CNTNAP2: variants seen among roughly 807,000 people sequenced by gnomAD.
CNTNAP2 encodes contactin associated protein 2, also known as contactin-associated protein-like 2.
A neutral mutation model predicts 155.2 loss-of-function variants in CNTNAP2; 98 were observed. The ratio of observed to expected loss-of-function variants is 0.63; its 90% CI spans 0.54 to 0.75. CNTNAP2 has a LOEUF of 0.75. CNTNAP2 is among the 30% of genes least tolerant of loss of function. The pLI is 0.00. For synonymous variants in CNTNAP2, 651 were observed against 631.2 expected (o/e 1.03, Z -0.47); for missense variants, 1,727 against 1,688.1 (o/e 1.02, Z -0.40).
chr7:147,679,060 G>C (rs1330893562), intron 13 of CNTNAP2, among the ~76,000 whole-genome samples: 1 of 151,776 alleles, frequency 6.6e-6, no homozygotes. Flanking sequence ...GAAATCTGTG[G>C]TATGTTTATT....
intron 8 of CNTNAP2, among the ~76,000 whole-genome samples, chr7:147,277,618 A>T (rs187139476): frequency 6.6e-6 from 1 of 151,936 alleles, no homozygotes; most frequent in African/African-American, 2.4e-5. Flanking sequence ...ATTTGCACAT[A>T]TACATTATAA....
chr7:147,202,178 T>C (rs1802935308), intron 8 of CNTNAP2, among the ~76,000 whole-genome samples: 1 of 151,324 alleles, frequency 6.6e-6, no homozygotes, highest in East Asian at 1.9e-4. Flanking sequence ...AAATTAATTC[T>C]CATAAAAGAC....
At chr7:147,337,108 C>A (rs113052767) in intron 9 of CNTNAP2, among the ~76,000 whole-genome samples, 22 of 152,096 alleles carry the variant, frequency 1.4e-4, no homozygotes, top group African/African-American at 4.8e-4. Context: ...CCACATCAGT[C>A]CACTTGCATA....
intron 3 of CNTNAP2, among the ~76,000 whole-genome samples, chr7:147,002,692 T>C (rs1430605483): frequency 1.3e-5 from 2 of 151,988 alleles, no homozygotes; most frequent in Non-Finnish European, 2.9e-5. Flanking sequence ...AGCAGATTCA[T>C]TGTTTGGTGA....
At chr7:146,873,731 T>C (rs796107767) in intron 3 of CNTNAP2, among the ~76,000 whole-genome samples, 2 of 152,172 alleles carry the variant, frequency 1.3e-5, no homozygotes, top group African/African-American at 4.8e-5. Flanking sequence ...TACATGAGGA[T>C]AAAGGGAGAG....
intron 15 of CNTNAP2, among the ~76,000 whole-genome samples, chr7:148,019,255 G>A (rs1802235046): frequency 6.6e-6 from 1 of 152,122 alleles, no homozygotes; most frequent in Admixed American, 6.5e-5. Flanking sequence ...GTTCCTCAGA[G>A]GGGACCTCCT....
At chr7:147,668,935 G>C (rs1029801206) in intron 13 of CNTNAP2, among the ~76,000 whole-genome samples, 1 of 151,884 alleles carries the variant, frequency 6.6e-6, no homozygotes, top group African/African-American at 2.4e-5. Flanking sequence ...CTCCATTTTT[G>C]TTAAGTGCCC....
intron 13 of CNTNAP2, among the ~76,000 whole-genome samples, chr7:147,889,135 A>T (rs577504324): frequency 6.6e-6 from 1 of 152,282 alleles, no homozygotes; most frequent in East Asian, 1.9e-4. Context: ...CTACTAAAAG[A>T]ATGATATTTA....
At chr7:146,399,181 G>T (rs1403008) in intron 1 of CNTNAP2, among the ~76,000 whole-genome samples, 18,781 of 151,916 alleles carry the variant, frequency 0.12, 1,614 homozygotes, top group African/African-American at 0.24. Context: ...CATAATTTTT[G>T]GGGGGTAATG....
intron 20 of CNTNAP2, among the ~76,000 whole-genome samples, chr7:148,236,536 G>C (rs1469392458): frequency 3.3e-5 from 5 of 152,134 alleles, no homozygotes; most frequent in African/African-American, 1.2e-4. Flanking sequence ...CGACCATTCT[G>C]TCTCTTTTGA....
intron 8 of CNTNAP2, among the ~76,000 whole-genome samples, chr7:147,242,096 T>A (rs1003243128): frequency 4.6e-5 from 7 of 152,238 alleles, no homozygotes; most frequent in African/African-American, 1.7e-4. Context: ...GTAAATGTTT[T>A]TCTTTGACTT....
At chr7:147,353,454 T>A (rs1796004218) in intron 9 of CNTNAP2, among the ~76,000 whole-genome samples, 1 of 152,124 alleles carries the variant, frequency 6.6e-6, no homozygotes, top group Admixed American at 6.5e-5. Flanking sequence ...GCTTCATCCA[T>A]GTCCCTGCAA....
At chr7:147,070,043 C>T (rs751559672) in intron 4 of CNTNAP2, among the ~76,000 whole-genome samples, 10 of 152,198 alleles carry the variant, frequency 6.6e-5, no homozygotes, top group Non-Finnish European at 1.2e-4. Flanking sequence ...TGTGATATGT[C>T]TGCAGTTTCA....
chr7:147,201,813 T>C (rs1264815021), intron 8 of CNTNAP2, among the ~76,000 whole-genome samples: 1 of 152,218 alleles, frequency 6.6e-6, no homozygotes, highest in African/African-American at 2.4e-5. Flanking sequence ...TTTGTTTTCT[T>C]GTTTGCTTTT....
intron 11 of CNTNAP2, among the ~76,000 whole-genome samples, chr7:147,543,094 G>A (rs899043136): frequency 4.1e-4 from 62 of 152,250 alleles, no homozygotes; most frequent in Middle Eastern, 3.4e-3. Context: ...TGAGAGCCCC[G>A]AACAGGGATT....
At chr7:148,265,109 GAGTA>G (rs1398720565) in intron 20 of CNTNAP2, among the ~76,000 whole-genome samples, 2 of 152,226 alleles carry the variant, frequency 1.3e-5, no homozygotes, top group Non-Finnish European at 2.9e-5. Flanking sequence ...TAACAAAAGA[GAGTA>G]AGTAAACAGA....
chr7:147,935,186 G>C (rs947951538), intron 14 of CNTNAP2, among the ~76,000 whole-genome samples: 1 of 151,844 alleles, frequency 6.6e-6, no homozygotes. Context: ...CAGTGCAGTG[G>C]TGCGATCTCG....
intron 12 of CNTNAP2, among the ~76,000 whole-genome samples, chr7:147,607,559 A>C (rs932428366): frequency 2.0e-5 from 3 of 152,314 alleles, no homozygotes; most frequent in Non-Finnish European, 2.9e-5. Context: ...CACAGCCCGC[A>C]GTGCCCCCAA....
At chr7:146,574,880 C>T (rs1349952920) in intron 1 of CNTNAP2, among the ~76,000 whole-genome samples, 1 of 151,884 alleles carries the variant, frequency 6.6e-6, no homozygotes, top group Non-Finnish European at 1.5e-5. Context: ...GACTTTTATC[C>T]CCACTACCAG....
Sources: allele counts gnomAD v4.1 joint callset (sites outside exome capture counted in the v4.1 genomes callset), GRCh38; gene constraint gnomAD v4.1.1; transcripts MANE v1.5; gene names NCBI Gene and HGNC (gene_info 2026-07-23, HGNC 2026-07-21).